Variants in PDE10A observed in about 807,000 individuals in gnomAD.
PDE10A encodes the protein phosphodiesterase 10A.
PDE10A carries 39 observed loss-of-function variants against 97.7 expected under a neutral mutation model. The observed-to-expected ratio is 0.40, with a 90% confidence interval of 0.31 to 0.52. PDE10A has a LOEUF of 0.52. PDE10A is among the 20% of genes least tolerant of loss of function. PDE10A has a pLI of 0.56. For synonymous variants in PDE10A, 371 were observed against 376.8 expected, an observed-to-expected ratio of 0.98 and a Z score of 0.18; for missense variants, 731 against 1,047.8, an observed-to-expected ratio of 0.70 and a Z score of 4.17.
chr6:165,943,421 G>C (rs1783653868), intron 1 of PDE10A, among the ~76,000 whole-genome samples: 1 of 152,026 alleles, frequency 6.6e-6, no homozygotes, highest in Non-Finnish European at 1.5e-5. Context: ...ATTTATGATG[G>C]GAATGGCTCA....
Position 165,662,257 on chromosome 6 carries a change from ACCGCCGCCGCGG to A in PDE10A, c.543_554del (p.Arg182_Gly185del). 6.1e-6 allele frequency: 1 copy of A among 162,858 alleles called. No homozygotes were observed. The highest frequency in any genetic ancestry group is 1.2e-5 in the Non-Finnish European group (1 of 80,476). 10.1% of individuals were successfully genotyped at this position (162,858 alleles called of 1,614,324 possible). A position where few individuals can be genotyped will look rare whatever the true frequency, so the allele number is the denominator to read the frequency against. On this transcript the variant is annotated inframe_deletion, in exon 1 of 22. Coordinates refer to ENST00000539869, the MANE Select transcript of PDE10A (RefSeq NM_001385079.1). ...GCCGCCGCCGCCCGCCGCCGCTGCC[ACCGCCGCCGCGG>A]TGACTACTGCTGGTGGGGACGCTCA...
At chr6:165,933,458 C>G (rs1388504927) in intron 1 of PDE10A, among the ~76,000 whole-genome samples, 1 of 152,206 alleles carries the variant, frequency 6.6e-6, no homozygotes, top group Non-Finnish European at 1.5e-5. Context: ...CAAATGAACT[C>G]AAGCCAGTCG....
chr6:165,899,456 G>C (rs1449896017), intron 1 of PDE10A, among the ~76,000 whole-genome samples: 1 of 152,218 alleles, frequency 6.6e-6, no homozygotes, highest in East Asian at 1.9e-4. Flanking sequence ...TGGGCTAGGG[G>C]CTGGGATGTA....
At chr6:165,736,657 T>C (rs1792582245) in intron 1 of PDE10A, among the ~76,000 whole-genome samples, 1 of 152,192 alleles carries the variant, frequency 6.6e-6, no homozygotes, top group Non-Finnish European at 1.5e-5. Flanking sequence ...AGCAAGAGCA[T>C]TCCTAAGAGG....
At chr6:165,396,777 C>A (rs1786201239) in intron 13 of PDE10A, among the ~76,000 whole-genome samples, 1 of 152,132 alleles carries the variant, frequency 6.6e-6, no homozygotes, top group African/African-American at 2.4e-5. Flanking sequence ...AAATTAAACA[C>A]ATTTTATTAT....
At chr6:165,617,355 A>G (rs1787772589) in intron 1 of PDE10A, among the ~76,000 whole-genome samples, 1 of 152,296 alleles carries the variant, frequency 6.6e-6, no homozygotes, top group East Asian at 1.9e-4. Flanking sequence ...TTAAAAAAAT[A>G]AAAAATTGAG....
At chr6:165,463,510 T>A (rs2128261595) in intron 3 of PDE10A, among the ~76,000 whole-genome samples, 1 of 152,360 alleles carries the variant, frequency 6.6e-6, no homozygotes, top group East Asian at 1.9e-4. Flanking sequence ...TAAAAACACT[T>A]GGAAGCTTTG....
intron 2 of PDE10A, among the ~76,000 whole-genome samples, chr6:165,495,608 A>T (rs1752864647): frequency 6.6e-6 from 1 of 152,210 alleles, no homozygotes; most frequent in African/African-American, 2.4e-5. Context: ...AAATTAATAC[A>T]TTGTTATTTA....
chr6:165,946,232 C>T (rs1316836032), intron 1 of PDE10A, among the ~76,000 whole-genome samples: 1 of 152,212 alleles, frequency 6.6e-6, no homozygotes, highest in Non-Finnish European at 1.5e-5. Context: ...CTCAGTGGCT[C>T]ATGCCTGTAA....
chr6:165,951,260 C>T (rs967755050), intron 1 of PDE10A, among the ~76,000 whole-genome samples: 1 of 152,138 alleles, frequency 6.6e-6, no homozygotes. Flanking sequence ...TATTAAACAT[C>T]ATCTCCAACA....
intron 1 of PDE10A, among the ~76,000 whole-genome samples, chr6:165,564,535 C>T (rs56034261): frequency 0.2 from 30,116 of 152,124 alleles, 3,395 homozygotes; most frequent in African/African-American, 0.3. Flanking sequence ...CCACCTGCCC[C>T]GGTATATTCT....
rs1282185791 is a variant in PDE10A at position 165,650,651 on chromosome 6, C to CA, written c.865+11295dup. Among the ~76,000 whole-genome samples the CA allele has an allele frequency of 5.9e-5, 9 of 152,308 alleles. No homozygotes were observed. In the East Asian group the frequency reaches 1.4e-3, roughly 23 times the overall value. On this transcript the variant is annotated intron_variant, in intron 1 of 21. Coordinates refer to ENST00000539869, the MANE Select transcript of PDE10A (RefSeq NM_001385079.1). The stretch of plus-strand genomic sequence containing the variant: ...TTAGATGGTTTCCAATGTCCTATTT[C>CA]AAACAATACTACGCCATATTCATAT...
At chr6:165,926,188 T>A (rs567076523) in intron 1 of PDE10A, among the ~76,000 whole-genome samples, 2 of 152,300 alleles carry the variant, frequency 1.3e-5, no homozygotes, top group South Asian at 2.1e-4. Context: ...TAGTGGCTGA[T>A]GGTGCCATCT....
chr6:165,829,124 AG>A (rs1353982351), intron 1 of PDE10A, among the ~76,000 whole-genome samples: 1 of 152,204 alleles, frequency 6.6e-6, no homozygotes, highest in African/African-American at 2.4e-5. Context: ...CTTCATTCCC[AG>A]GCTGCTGGGG....
At chr6:165,943,202 A>G (rs1336311517) in intron 1 of PDE10A, among the ~76,000 whole-genome samples, 23 of 62,818 alleles carry the variant, frequency 3.7e-4, no homozygotes, top group Non-Finnish European at 6.9e-4. Flanking sequence ...AAAGAAAGAA[A>G]GAAAGAAAGA....
chr6:165,635,907 C>G (rs753806696), intron 1 of PDE10A, among the ~76,000 whole-genome samples: 2 of 152,172 alleles, frequency 1.3e-5, no homozygotes, highest in Non-Finnish European at 2.9e-5. Flanking sequence ...TTATATACTG[C>G]ACCATTACAG....
intron 2 of PDE10A, among the ~76,000 whole-genome samples, chr6:165,526,068 T>C (rs979880001): frequency 1.8e-4 from 28 of 152,202 alleles, no homozygotes; most frequent in African/African-American, 6.8e-4. Flanking sequence ...GACCCCACTA[T>C]ATTACCAACA....
intron 2 of PDE10A, among the ~76,000 whole-genome samples, chr6:165,519,751 C>A (rs1011059934): frequency 6.6e-6 from 1 of 152,238 alleles, no homozygotes; most frequent in African/African-American, 2.4e-5. Context: ...TATGATAACA[C>A]GTGTGACTGT....
intron 13 of PDE10A, among the ~76,000 whole-genome samples, chr6:165,398,084 CTTTA>C (rs1475201114): frequency 6.6e-6 from 1 of 152,016 alleles, no homozygotes; most frequent in Non-Finnish European, 1.5e-5. Context: ...TCATCAAATG[CTTTA>C]TTTAATACTT....
Sources: allele counts gnomAD v4.1 joint callset (sites outside exome capture counted in the v4.1 genomes callset), GRCh38; gene constraint gnomAD v4.1.1; transcripts MANE v1.5; gene names NCBI Gene and HGNC (gene_info 2026-07-23, HGNC 2026-07-21).